The following LINGO2 variants were observed in gnomAD, a reference collection of about 807,000 sequenced individuals.
The protein encoded by LINGO2 is leucine-rich repeat and immunoglobulin-like domain-containing nogo receptor-interacting protein 2.
LINGO2 carries 14 observed loss-of-function variants against 30.6 expected under a neutral mutation model. That is an observed-to-expected ratio of 0.46 (90% CI 0.30 to 0.72). LINGO2 has a LOEUF of 0.72. LINGO2 is among the 30% of genes least tolerant of loss of function. LINGO2 has a pLI of 0.07. For missense variants in LINGO2, 729 were observed against 751.7 expected (o/e 0.97, Z 0.35); for synonymous variants, 317 against 288.5 (o/e 1.10, Z -1.00).
chr9:29,119,145 C>A, the LINGO2 span, among the ~76,000 whole-genome samples: 1 of 152,076 alleles, frequency 6.6e-6, no homozygotes, highest in African/African-American at 2.4e-5. Context: ...CCAGGGAAAG[C>A]CATAACAATC....
At chr9:27,977,411 C>T (rs1000917845) in intron 5 of LINGO2, among the ~76,000 whole-genome samples, 4 of 151,316 alleles carry the variant, frequency 2.6e-5, no homozygotes, top group East Asian at 2.0e-4. Flanking sequence ...GTGTCGGGGG[C>T]GGGTTGGGGG....
the LINGO2 span, among the ~76,000 whole-genome samples, chr9:28,967,075 G>GGGA: frequency 1.3e-5 from 2 of 152,118 alleles, no homozygotes; most frequent in African/African-American, 4.8e-5. Context: ...CATACAGTCT[G>GGGA]CAAGCTGTGG....
At chr9:29,057,441 G>A in the LINGO2 span, among the ~76,000 whole-genome samples, 2 of 152,124 alleles carry the variant, frequency 1.3e-5, no homozygotes, top group African/African-American at 4.8e-5. Flanking sequence ...GCTCATGCTA[G>A]TTAATGACTT....
chr9:28,036,450 C>T (rs999705496), intron 4 of LINGO2, among the ~76,000 whole-genome samples: 5 of 151,830 alleles, frequency 3.3e-5, no homozygotes, highest in African/African-American at 9.7e-5. Context: ...CCAGGAAAAC[C>T]AGGAAGATTT....
the LINGO2 span, among the ~76,000 whole-genome samples, chr9:29,068,384 A>G: frequency 5.9e-5 from 9 of 151,916 alleles, no homozygotes; most frequent in Middle Eastern, 3.4e-3. Context: ...ATTTTTTTAA[A>G]CCACAAATAC....
the LINGO2 span, among the ~76,000 whole-genome samples, chr9:28,780,743 G>A: frequency 6.6e-6 from 1 of 152,048 alleles, no homozygotes; most frequent in East Asian, 1.9e-4. Context: ...TGTGATGTGG[G>A]ACATTTCACC....
intron 2 of LINGO2, among the ~76,000 whole-genome samples, chr9:28,385,530 T>C (rs537419570): frequency 1.2e-4 from 18 of 152,188 alleles, no homozygotes; most frequent in Non-Finnish European, 2.2e-4. Context: ...ATTTTCTTCT[T>C]TCTGGGCAAA....
At chr9:28,247,233 A>C (rs1385095736) in intron 4 of LINGO2, among the ~76,000 whole-genome samples, 3 of 152,232 alleles carry the variant, frequency 2.0e-5, no homozygotes, top group East Asian at 1.9e-4. Flanking sequence ...CATTGGATCC[A>C]GCAATCCCAT....
chr9:28,440,854 T>G (rs1261122144), intron 2 of LINGO2, among the ~76,000 whole-genome samples: 1 of 152,176 alleles, frequency 6.6e-6, no homozygotes, highest in Non-Finnish European at 1.5e-5. Context: ...GTTTTCCCAG[T>G]TCACATACTT....
chr9:28,482,238 C>A (rs1826001149), intron 1 of LINGO2, among the ~76,000 whole-genome samples: 2 of 151,988 alleles, frequency 1.3e-5, no homozygotes, highest in South Asian at 4.1e-4. Flanking sequence ...ACAGTCCCAC[C>A]AACAGTGTAA....
the LINGO2 span, among the ~76,000 whole-genome samples, chr9:28,771,682 A>G: frequency 6.6e-6 from 1 of 152,128 alleles, no homozygotes; most frequent in Non-Finnish European, 1.5e-5. Flanking sequence ...AATATTCAGA[A>G]TGTTGTGAAG....
At chr9:28,830,103 G>A in the LINGO2 span, among the ~76,000 whole-genome samples, 1 of 152,158 alleles carries the variant, frequency 6.6e-6, no homozygotes, top group Non-Finnish European at 1.5e-5. Flanking sequence ...AAAGCAGAGT[G>A]CTACAAACCC....
chr9:28,465,771 T>C (rs1415497747), intron 2 of LINGO2, among the ~76,000 whole-genome samples: 1 of 151,952 alleles, frequency 6.6e-6, no homozygotes, highest in Non-Finnish European at 1.5e-5. Flanking sequence ...TAGGAAAAAA[T>C]TGAATAATCC....
intron 3 of LINGO2, among the ~76,000 whole-genome samples, chr9:28,306,685 G>A (rs899900045): frequency 1.3e-5 from 2 of 152,108 alleles, no homozygotes; most frequent in African/African-American, 4.8e-5. Context: ...CCGCTAGCAA[G>A]ACTAACAAAG....
intron 4 of LINGO2, among the ~76,000 whole-genome samples, chr9:28,121,319 A>C (rs1319562646): frequency 6.6e-6 from 1 of 152,162 alleles, no homozygotes; most frequent in Non-Finnish European, 1.5e-5. Context: ...AATATTGGTA[A>C]AGGACTTTGG....
At chr9:28,457,966 G>C (rs1045261572) in intron 2 of LINGO2, among the ~76,000 whole-genome samples, 4 of 152,186 alleles carry the variant, frequency 2.6e-5, no homozygotes, top group Non-Finnish European at 4.4e-5. Flanking sequence ...GTACTGGAAA[G>C]TGAATCTCAA....
At chr9:28,926,432 T>C in the LINGO2 span, among the ~76,000 whole-genome samples, 1 of 152,210 alleles carries the variant, frequency 6.6e-6, no homozygotes, top group African/African-American at 2.4e-5. Context: ...TTTAGAACAA[T>C]GCCTACATTA....
At chr9:29,097,141 CT>C in the LINGO2 span, among the ~76,000 whole-genome samples, 1 of 138,136 alleles carries the variant, frequency 7.2e-6, no homozygotes, top group African/African-American at 2.7e-5. Context: ...TCTGTTCTTG[CT>C]TTTCATATAT....
chr9:27,951,530 C>A (rs986271856), intron 5 of LINGO2, among the ~76,000 whole-genome samples: 1 of 151,884 alleles, frequency 6.6e-6, no homozygotes, highest in African/African-American at 2.4e-5. Flanking sequence ...ATGAACTATC[C>A]CTCTTTCACA....
Sources: gnomAD v4.1 joint callset for allele counts (sites outside exome capture counted in the v4.1 genomes callset) on GRCh38, gnomAD v4.1.1 for gene constraint, MANE v1.5 for transcripts, NCBI Gene and HGNC (gene_info 2026-07-23, HGNC 2026-07-21) for gene names.